The following PIH1D2 variants were observed in gnomAD, a reference collection of about 807,000 sequenced individuals.
PIH1D2 encodes the protein PIH1 domain containing 2, also known as PIH1 domain-containing protein 2.
A neutral mutation model predicts 31.2 loss-of-function variants in PIH1D2; 25 were observed. That is an observed-to-expected ratio of 0.80 (90% CI 0.58 to 1.12). The LOEUF is 1.12. Ranked by LOEUF, PIH1D2 falls within the 50% of genes most tolerant of loss-of-function variation. PIH1D2 has a pLI of 0.00. For missense variants in PIH1D2, 310 were observed against 356.6 expected (o/e 0.87, Z 1.05); for synonymous variants, 116 against 119.9 (o/e 0.97, Z 0.21).
At position 112,070,524 on chromosome 11, in the gene PIH1D2, T is replaced by G. The variant is rs782063730; in HGVS notation, c.725A>C (p.Asp242Ala). 4 of 1,614,146 alleles carry G rather than the reference T, an allele frequency of 2.5e-6. No individual in the cohort carries two copies. The highest frequency in any genetic ancestry group is 2.5e-6 in the Non-Finnish European group (3 of 1,180,014). ...AATTTTCAGAGGTTTCTCACTGTGA[T>G]CATGCACAATTTTTAGTTCATAGGC... ...MPAYELKIVH[D>A]HSEKPLKIEL... Residue 242 changes from aspartate to alanine, a missense_variant, in exon 5 of 6, where the codon GAT becomes GCT. Transcript: ENST00000280350.
downstream of PIH1D2, chr11:112,064,214 G>A (rs1335499284): frequency 6.4e-7 from 1 of 1,561,328 alleles, no homozygotes; most frequent in East Asian, 2.3e-5. Context: ...TTGTGGTTCT[G>A]TTGTTCCCTT....
intron 5 of PIH1D2, among the ~76,000 whole-genome samples, chr11:112,069,167 G>GT (rs1332766849): frequency 1.3e-5 from 2 of 150,420 alleles, no homozygotes; most frequent in Non-Finnish European, 3.0e-5. Flanking sequence ...CCCGGCTGAT[G>GT]TTTTTTTTGT....
chr11:112,073,277 G>T, intron 1 of PIH1D2, 72 bp from the exon 2 acceptor site: 1 of 1,098,134 alleles, frequency 9.1e-7, no homozygotes, highest in Non-Finnish European at 1.3e-6. Context: ...TTGGGGAGGT[G>T]GAATGGGTCA....
chr11:112,065,314 A>C (rs1864880908), downstream of PIH1D2, among the ~76,000 whole-genome samples: 1 of 152,192 alleles, frequency 6.6e-6, no homozygotes, highest in South Asian at 2.1e-4. Flanking sequence ...AAATAACTAG[A>C]ATGTAAATTT....
chr11:112,054,929 TTTCTC>T, the PIH1D2 span, among the ~76,000 whole-genome samples: 10 of 152,294 alleles, frequency 6.6e-5, no homozygotes, highest in African/African-American at 1.2e-4. Flanking sequence ...GTGTCTGTAT[TTTCTC>T]TTCTCTTAAG....
chr11:112,063,052 C>A, downstream of PIH1D2: 1 of 155,998 alleles, frequency 6.4e-6, no homozygotes, highest in South Asian at 1.9e-4. Flanking sequence ...GGTTTATCAT[C>A]GATGGGAAGG....
At chr11:112,058,913 GTA>G (rs1202107818), downstream of PIH1D2, among the ~76,000 whole-genome samples, 1 of 152,046 alleles carries the variant, frequency 6.6e-6, no homozygotes, top group African/African-American at 2.4e-5. Flanking sequence ...CTGAATTTCA[GTA>G]TAGTTTCTCT....
In PIH1D2 at chr11:112,070,715, A is replaced by G. The variant is rs782056967; in HGVS notation, c.548-14T>C. On this transcript the variant is annotated splice_polypyrimidine_tract_variant and intron_variant, in intron 4 of 5. Coordinates refer to ENST00000280350, the MANE Select transcript of PIH1D2 (RefSeq NM_138789.4). ...CAAGAGTTAGTTCTTTATGAAAAAA[A>G]GGGTGGAGGGGAGATAAAAAATAAA... 1.1e-5 allele frequency: 18 copies of G among 1,607,842 alleles called. No individual in the cohort carries two copies. The East Asian group carries it at 4.0e-4, about 36-fold the overall frequency.
At chr11:112,060,452 G>A (rs1205999677), downstream of PIH1D2, among the ~76,000 whole-genome samples, 4 of 151,722 alleles carry the variant, frequency 2.6e-5, no homozygotes, top group South Asian at 6.2e-4. Context: ...GAGCCACCAC[G>A]CCCAGCGTAA....
At chr11:112,053,747 C>G in the PIH1D2 span, among the ~76,000 whole-genome samples, 1 of 152,156 alleles carries the variant, frequency 6.6e-6, no homozygotes, top group Non-Finnish European at 1.5e-5. Context: ...GCTACCACGC[C>G]CAGCCCTTAA....
downstream of PIH1D2, chr11:112,061,428 T>C (rs1749532113): frequency 2.3e-6 from 1 of 437,784 alleles, no homozygotes; most frequent in African/African-American, 2.0e-5. Flanking sequence ...TAGTGCCCGG[T>C]GTGCAGCAAA....
the PIH1D2 span, among the ~76,000 whole-genome samples, chr11:112,053,381 G>A: frequency 6.6e-6 from 1 of 152,096 alleles, no homozygotes; most frequent in Non-Finnish European, 1.5e-5. Flanking sequence ...CCATGGCTTA[G>A]AGTGACTTGT....
chr11:112,073,115 A>G lies in PIH1D2; in HGVS notation c.60T>C (p.Asp20=). The G allele has an allele frequency of 6.2e-7, 1 of 1,614,052 alleles. No individual in the cohort carries two copies. The highest frequency in any genetic ancestry group is 8.5e-7 in the Non-Finnish European group (1 of 1,179,948). The part of the protein sequence containing the change: ...TQVTQFWNLL[D]DLAQSDPEGY... ...CCTCAGGGTCACTCTGAGCTAGATC[A>G]TCTAGGAGGTTCCAAAACTGAGTAA... The change falls in exon 2 of 6, where the codon GAT becomes GAC. Residue 20 remains aspartate, a synonymous_variant. Coordinates refer to ENST00000280350, the MANE Select transcript of PIH1D2 (RefSeq NM_138789.4).
At chr11:112,061,778 T>G (rs1864645053), downstream of PIH1D2, among the ~76,000 whole-genome samples, 1 of 152,166 alleles carries the variant, frequency 6.6e-6, no homozygotes, top group Non-Finnish European at 1.5e-5. Context: ...AGACATGTTG[T>G]TTCACCATGT....
At chr11:112,072,903 A>C in intron 2 of PIH1D2, 95 bp downstream of exon 2, 1 of 1,281,446 alleles carries the variant, frequency 7.8e-7, no homozygotes, top group Non-Finnish European at 1.0e-6. Flanking sequence ...AAAAAAACAA[A>C]AAAAATTAGC....
At chr11:112,062,860 A>G (rs1864720497), downstream of PIH1D2, 1 of 330,922 alleles carries the variant, frequency 3.0e-6, no homozygotes, top group Non-Finnish European at 5.8e-6. Context: ...TTCCCTAAAG[A>G]CAAGTACATA....
chr11:112,069,166 TG>T (rs1359155610), intron 5 of PIH1D2, among the ~76,000 whole-genome samples: 10 of 151,626 alleles, frequency 6.6e-5, no homozygotes, highest in South Asian at 2.1e-4. Flanking sequence ...GCCCGGCTGA[TG>T]TTTTTTTTGT....
intron 2 of PIH1D2, chr11:112,072,730 A>G (rs1865168447): frequency 3.8e-6 from 1 of 260,770 alleles, no homozygotes; most frequent in Non-Finnish European, 7.4e-6. Flanking sequence ...CGGGCATGGT[A>G]GTACACACCT....
downstream of PIH1D2, chr11:112,064,094 T>A: frequency 7.9e-7 from 1 of 1,258,096 alleles, no homozygotes; most frequent in Non-Finnish European, 1.1e-6. Context: ...TAATTTTAGG[T>A]TGAAGATTAT....
Sources: gnomAD v4.1 joint callset for allele counts (sites outside exome capture counted in the v4.1 genomes callset) on GRCh38, gnomAD v4.1.1 for gene constraint, MANE v1.5 for transcripts, NCBI Gene and HGNC (gene_info 2026-07-23, HGNC 2026-07-21) for gene names.